KCNIP4: variants seen among roughly 807,000 people sequenced by gnomAD.
KCNIP4 encodes potassium voltage-gated channel interacting protein 4.
In KCNIP4, 12 loss-of-function variants were observed where a neutral mutation model predicts 34.0. That is an observed-to-expected ratio of 0.35 (90% CI 0.23 to 0.57). The LOEUF (loss-of-function observed/expected upper bound fraction) is 0.57, where lower values mean the gene tolerates loss of function less well. Ranked by LOEUF, KCNIP4 falls within the 20% of genes least tolerant of loss-of-function variation. KCNIP4 has a pLI of 0.83. For missense variants in KCNIP4, 238 were observed against 311.7 expected (o/e 0.76, Z 1.78); for synonymous variants, 124 against 102.2 (o/e 1.21, Z -1.29).
intron 1 of KCNIP4, among the ~76,000 whole-genome samples, chr4:21,115,370 T>G (rs1414755543): frequency 6.6e-6 from 1 of 152,190 alleles, no homozygotes; most frequent in Non-Finnish European, 1.5e-5. Flanking sequence ...AATTTGATTT[T>G]TTACCTCAAA....
intron 3 of KCNIP4, among the ~76,000 whole-genome samples, chr4:20,764,707 C>CAA (rs1553892150): frequency 1.3e-5 from 2 of 151,312 alleles, no homozygotes; most frequent in African/African-American, 2.4e-5. Context: ...CACACACACA[C>CAA]AACCCCATGA....
intron 1 of KCNIP4, among the ~76,000 whole-genome samples, chr4:21,058,819 A>G (rs900141219): frequency 6.6e-6 from 1 of 152,120 alleles, no homozygotes; most frequent in African/African-American, 2.4e-5. Flanking sequence ...TGTCTTGCCC[A>G]ATGACTGACT....
intron 1 of KCNIP4, among the ~76,000 whole-genome samples, chr4:21,878,928 C>T (rs756585606): frequency 6.6e-6 from 1 of 152,034 alleles, no homozygotes; most frequent in Non-Finnish European, 1.5e-5. Flanking sequence ...CTTGTGGGTC[C>T]GTGGCAATAC....
chr4:20,744,796 G>T (rs1029928995), intron 5 of KCNIP4, among the ~76,000 whole-genome samples: 1 of 151,928 alleles, frequency 6.6e-6, no homozygotes, highest in African/African-American at 2.4e-5. Context: ...TAAAAATAAA[G>T]ATAGCACGTT....
chr4:21,015,713 A>G (rs1446007427), intron 1 of KCNIP4, among the ~76,000 whole-genome samples: 2 of 134,018 alleles, frequency 1.5e-5, no homozygotes, highest in Admixed American at 8.3e-5. Context: ...TATTAATTAT[A>G]TATATTTTTA....
At chr4:21,391,187 T>C (rs1000216310) in intron 1 of KCNIP4, among the ~76,000 whole-genome samples, 1 of 152,210 alleles carries the variant, frequency 6.6e-6, no homozygotes, top group Non-Finnish European at 1.5e-5. Flanking sequence ...GTAATTTCTA[T>C]ACTTAGTCAG....
At chr4:21,532,132 A>G (rs1206548966) in intron 1 of KCNIP4, among the ~76,000 whole-genome samples, 1 of 152,170 alleles carries the variant, frequency 6.6e-6, no homozygotes, top group Non-Finnish European at 1.5e-5. Flanking sequence ...AGTCGCTGTG[A>G]TAGAGAAAAA....
chr4:21,766,080 G>T (rs1262241216), intron 1 of KCNIP4, among the ~76,000 whole-genome samples: 1 of 151,998 alleles, frequency 6.6e-6, no homozygotes, highest in Non-Finnish European at 1.5e-5. Context: ...TCTGAGTCAG[G>T]GCTCTTGAAT....
At chr4:21,809,916 G>T (rs891892365) in intron 1 of KCNIP4, among the ~76,000 whole-genome samples, 1 of 152,206 alleles carries the variant, frequency 6.6e-6, no homozygotes, top group African/African-American at 2.4e-5. Context: ...ATCCTAGAAA[G>T]AAGTAAGGCA....
At chr4:21,457,066 C>T (rs987705278) in intron 1 of KCNIP4, among the ~76,000 whole-genome samples, 5 of 152,026 alleles carry the variant, frequency 3.3e-5, no homozygotes, top group African/African-American at 1.2e-4. Flanking sequence ...AAAACATATC[C>T]ATTGTATCTG....
At chr4:20,926,352 T>G (rs1235421334) in intron 1 of KCNIP4, among the ~76,000 whole-genome samples, 2 of 152,152 alleles carry the variant, frequency 1.3e-5, no homozygotes, top group Non-Finnish European at 2.9e-5. Flanking sequence ...TTTTATCCCC[T>G]CCCCTTCTCT....
intron 1 of KCNIP4, among the ~76,000 whole-genome samples, chr4:21,070,897 G>C (rs936044354): frequency 1.3e-5 from 2 of 151,674 alleles, no homozygotes; most frequent in African/African-American, 2.4e-5. Context: ...GGATGGTCTT[G>C]ATCTCCTGAC....
rs962823858 is a variant in KCNIP4, at chr4:21,451,896, A to G, written c.61+496675T>C. Among the ~76,000 whole-genome samples, 10 of 152,306 alleles carry G rather than the reference A, an allele frequency of 6.6e-5. 1 individual carries two copies. The highest frequency in any genetic ancestry group is 2.4e-4 in the African/African-American group (10 of 41,552). On this transcript the variant is annotated intron_variant, in intron 1 of 8. Coordinates refer to ENST00000382152, the MANE Select transcript of KCNIP4 (RefSeq NM_025221.6). ...AGGAAAAGGAAACTAGAAGAGAATAATTCTTAGGACATCTGAACATTCAAG... is the reference window on the plus strand; with the variant it reads ...AGGAAAAGGAAACTAGAAGAGAATAGTTCTTAGGACATCTGAACATTCAAG...
intron 1 of KCNIP4, among the ~76,000 whole-genome samples, chr4:21,423,157 T>G (rs1000196266): frequency 1.3e-5 from 2 of 152,130 alleles, no homozygotes; most frequent in African/African-American, 4.8e-5. Flanking sequence ...TCAGTAATAT[T>G]TCTTTTGCAC....
At chr4:21,038,238 G>C (rs1331517962) in intron 1 of KCNIP4, among the ~76,000 whole-genome samples, 2 of 152,092 alleles carry the variant, frequency 1.3e-5, no homozygotes, top group Non-Finnish European at 2.9e-5. Context: ...GCCTCCTAAA[G>C]TGCTGGGATT....
intron 1 of KCNIP4, among the ~76,000 whole-genome samples, chr4:21,622,575 G>A (rs1388221132): frequency 6.6e-6 from 1 of 152,026 alleles, no homozygotes; most frequent in Non-Finnish European, 1.5e-5. Flanking sequence ...CATAATATCT[G>A]TTAATTTAAC....
At chr4:20,847,597 G>A (rs1720530643) in intron 3 of KCNIP4, among the ~76,000 whole-genome samples, 1 of 152,172 alleles carries the variant, frequency 6.6e-6, no homozygotes, top group Non-Finnish European at 1.5e-5. Context: ...GGGAGCCTCA[G>A]TGAGTAAGCC....
intron 1 of KCNIP4, among the ~76,000 whole-genome samples, chr4:21,726,394 T>A (rs566371253): frequency 6.6e-4 from 100 of 152,136 alleles, no homozygotes; most frequent in Non-Finnish European, 1.0e-3. Flanking sequence ...AAACACTAAA[T>A]GTGAAAGTGC....
At chr4:20,765,940 T>C (rs1226982517) in intron 3 of KCNIP4, among the ~76,000 whole-genome samples, 1 of 152,178 alleles carries the variant, frequency 6.6e-6, no homozygotes. Flanking sequence ...ATGAATACTA[T>C]GCTAGTACTA....
Sources: gnomAD v4.1 joint callset for allele counts (sites outside exome capture counted in the v4.1 genomes callset) on GRCh38, gnomAD v4.1.1 for gene constraint, MANE v1.5 for transcripts, NCBI Gene and HGNC (gene_info 2026-07-23, HGNC 2026-07-21) for gene names.